SLC9A6: variants seen among roughly 807,000 people sequenced by gnomAD.
SLC9A6 encodes solute carrier family 9 member A6, also known as sodium/hydrogen exchanger 6.
A neutral mutation model predicts 45.3 loss-of-function variants in SLC9A6; 6 were observed. That is an observed-to-expected ratio of 0.13 (90% CI 0.07 to 0.26). The LOEUF is 0.26. Among genes scored for constraint, SLC9A6 ranks in the 10% least tolerant of loss-of-function variants. SLC9A6 has a pLI of 1.00. For synonymous variants in SLC9A6, 191 were observed against 187.7 expected (o/e 1.02, Z -0.14); for missense variants, 278 against 503.7 (o/e 0.55, Z 4.29).
intron 7 of SLC9A6, 38 bp downstream of exon 7, chrX:136,002,251 G>A (rs1190792154): frequency 2.7e-5 from 25 of 927,570 alleles, no homozygotes; most frequent in Non-Finnish European, 3.8e-5. Flanking sequence ...TGAATATTAA[G>A]TGTGAGGGTA....
chrX:136,024,780 C>T (rs189999538), intron 13 of SLC9A6, among the ~76,000 whole-genome samples: 1 of 111,702 alleles, frequency 9.0e-6, no homozygotes, highest in Admixed American at 9.6e-5. Flanking sequence ...ATAGCATGGA[C>T]ATTTACATTG....
At chrX:136,039,872 G>C (rs1447904809) in intron 16 of SLC9A6, among the ~76,000 whole-genome samples, 1 of 111,947 alleles carries the variant, frequency 8.9e-6, no homozygotes, top group African/African-American at 3.2e-5. Flanking sequence ...CTGAGCCTCA[G>C]TTTCCATATC....
At chrX:136,013,496 C>A in intron 10 of SLC9A6, 59 bp downstream of exon 10, 2 of 810,447 alleles carry the variant, frequency 2.5e-6, no homozygotes, top group Non-Finnish European at 3.7e-6. Flanking sequence ...AAATAGAAGT[C>A]TTTTTTACTA....
intron 10 of SLC9A6, among the ~76,000 whole-genome samples, chrX:136,015,078 G>A (rs973494041): frequency 3.6e-5 from 4 of 111,282 alleles, no homozygotes; most frequent in African/African-American, 6.5e-5. Flanking sequence ...AGAGGGTGGC[G>A]GACTCCAGCC....
chrX:135,990,301 G>A (rs1213171464), intron 2 of SLC9A6, among the ~76,000 whole-genome samples: 1 of 111,873 alleles, frequency 8.9e-6, no homozygotes, highest in East Asian at 2.8e-4. Context: ...TGTGTTCTTT[G>A]TTGCCTGTTA....
intron 16 of SLC9A6, among the ~76,000 whole-genome samples, chrX:136,038,736 CT>C (rs1179660987): frequency 1.2e-3 from 111 of 92,152 alleles, no homozygotes; most frequent in Middle Eastern, 5.6e-3. Flanking sequence ...GTTTTTTTTT[CT>C]TTTTTTTTTT....
At chrX:135,973,934 C>G, upstream of SLC9A6, 1 of 1,131,237 alleles carries the variant, frequency 8.8e-7, no homozygotes, top group Non-Finnish European at 1.2e-6. Context: ...AGGGCCGGAG[C>G]CCAACGGAGT....
intron 16 of SLC9A6, among the ~76,000 whole-genome samples, chrX:136,038,209 T>G (rs1335575893): frequency 1.8e-5 from 2 of 112,123 alleles, no homozygotes; most frequent in Non-Finnish European, 3.8e-5. Context: ...CATTCTCTTT[T>G]ATTTCTAGTC....
intron 7 of SLC9A6, among the ~76,000 whole-genome samples, chrX:136,008,752 TA>T (rs781791144): frequency 4.5e-5 from 5 of 111,028 alleles, no homozygotes; most frequent in Admixed American, 2.9e-4. Context: ...TTTCAGGGTT[TA>T]AAAAAAAGTA....
chrX:136,032,297 C>T (rs2071339961), intron 15 of SLC9A6, among the ~76,000 whole-genome samples: 1 of 112,124 alleles, frequency 8.9e-6, no homozygotes. Context: ...GACTCGAACT[C>T]CTGACCTCAA....
chrX:135,994,426 C>T (rs1340762331), intron 2 of SLC9A6, among the ~76,000 whole-genome samples: 3 of 111,370 alleles, frequency 2.7e-5, no homozygotes, highest in African/African-American at 6.5e-5. Context: ...ATTTCTAACA[C>T]GATTGCACTG....
chrX:136,013,910 A>G (rs1255335934), intron 10 of SLC9A6, among the ~76,000 whole-genome samples: 1 of 112,494 alleles, frequency 8.9e-6, no homozygotes, highest in Non-Finnish European at 1.9e-5. Context: ...GATTAGACCT[A>G]CTAAGAGAAG....
At chrX:136,044,052 C>T (rs955193507) in intron 17 of SLC9A6, among the ~76,000 whole-genome samples, 7 of 111,627 alleles carry the variant, frequency 6.3e-5, no homozygotes, top group Non-Finnish European at 9.4e-5. Flanking sequence ...TAGGATGCCA[C>T]GAAAGCACAC....
chrX:136,003,583 T>A (rs1384236683), intron 7 of SLC9A6, among the ~76,000 whole-genome samples: 1 of 112,241 alleles, frequency 8.9e-6, no homozygotes, highest in Non-Finnish European at 1.9e-5. Context: ...TGATTAACCT[T>A]GAACTTACCT....
intron 3 of SLC9A6, among the ~76,000 whole-genome samples, chrX:135,996,878 T>TG (rs2089506582): frequency 2.7e-5 from 3 of 109,355 alleles, no homozygotes; most frequent in South Asian, 8.0e-4. Flanking sequence ...GCCGTTCTCC[T>TG]GCCTCAGCCT....
chrX:135,990,127 AGGTGACC>A (rs1453961023), intron 2 of SLC9A6, among the ~76,000 whole-genome samples: 1 of 110,851 alleles, frequency 9.0e-6, no homozygotes, highest in Non-Finnish European at 1.9e-5. Flanking sequence ...CTGGGATTAC[AGGTGACC>A]GCCACCACGC....
chrX:135,986,557 C>A (rs782205024), intron 2 of SLC9A6, among the ~76,000 whole-genome samples: 2 of 111,540 alleles, frequency 1.8e-5, no homozygotes, highest in East Asian at 5.6e-4. Context: ...GTGTACTATA[C>A]GATGATCAGG....
chrX:136,039,924 G>A, intron 16 of SLC9A6, 152 bp from the exon 17 acceptor site: 1 of 508,373 alleles, frequency 2.0e-6, no homozygotes, highest in South Asian at 2.7e-5. Context: ...CTGTTTCACT[G>A]CCATCATGTG....
At chrX:136,039,855 G>A (rs1424532143) in intron 16 of SLC9A6, among the ~76,000 whole-genome samples, 2 of 111,730 alleles carry the variant, frequency 1.8e-5, no homozygotes, top group African/African-American at 6.5e-5. Flanking sequence ...GCAGGTCATT[G>A]ACCTCTCTGA....
Sources: allele counts gnomAD v4.1 joint callset (sites outside exome capture counted in the v4.1 genomes callset), GRCh38; gene constraint gnomAD v4.1.1; transcripts MANE v1.5; gene names NCBI Gene and HGNC (gene_info 2026-07-23, HGNC 2026-07-21).